DERA: variants seen among roughly 807,000 people sequenced by gnomAD.
DERA encodes 2-deoxy-D-ribose 5-phosphate aldolase.
Under a neutral mutation model 41.1 loss-of-function variants are expected in DERA, and 15 were observed. The ratio of observed to expected loss-of-function variants is 0.37; its 90% CI spans 0.24 to 0.56. The LOEUF is 0.56. DERA is among the 20% of genes least tolerant of loss of function. The probability of loss-of-function intolerance (pLI) is 0.81; values close to 1 mark genes in which losing one functional copy is unlikely to be tolerated. For missense variants in DERA, 396 were observed against 403.4 expected, an observed-to-expected ratio of 0.98 and a Z score of 0.16; for synonymous variants, 139 against 137.4, an observed-to-expected ratio of 1.01 and a Z score of -0.08.
chr12:15,962,139 A>G (rs934208420), intron 4 of DERA, among the ~76,000 whole-genome samples: 1 of 152,168 alleles, frequency 6.6e-6, no homozygotes, highest in African/African-American at 2.4e-5. Context: ...CTATTTTTCA[A>G]GAGTGTAGTT....
Position 16,003,916 on chromosome 12 carries a change from T to C in DERA, c.637+21480T>C, listed in dbSNP as rs1442083462. Among the ~76,000 whole-genome samples the C allele has an allele frequency of 2.6e-5, 4 of 152,208 alleles. No homozygotes were observed. Among genetic ancestry groups the C allele is most frequent in the African/African-American group, 9.6e-5 (4 of 41,458 alleles). On this transcript the variant is annotated intron_variant, in intron 6 of 8. Coordinates refer to ENST00000428559, the MANE Select transcript of DERA (RefSeq NM_015954.4). The surrounding 1 kb of genome is among the most constrained non-coding windows in gnomAD (Gnocchi z 4.8). ...AGAGAGGTGTTCTGGGTTGTAGAGCTAGCCACTCAGAGGCATCCGGGCCTT... is the reference window on the plus strand; with the variant it reads ...AGAGAGGTGTTCTGGGTTGTAGAGCCAGCCACTCAGAGGCATCCGGGCCTT...
rs1467273223 is a variant in DERA at position 15,984,330 on chromosome 12, G to A, written c.637+1894G>A. Among the ~76,000 whole-genome samples, 1 of 152,102 alleles carries A rather than the reference G, an allele frequency of 6.6e-6. No individual in the cohort carries two copies. The highest frequency in any genetic ancestry group is 1.5e-5 in the Non-Finnish European group (1 of 68,030). On this transcript the variant is annotated intron_variant, in intron 6 of 8. Coordinates refer to ENST00000428559, the MANE Select transcript of DERA (RefSeq NM_015954.4). The surrounding 1 kb of genome is among the most constrained non-coding windows in gnomAD (Gnocchi z 4.5). The stretch of plus-strand genomic sequence containing the variant: ...TAGGTCATCACGCTTTGGAAGCTGT[G>A]TCCCACCCTCCACCCATCCTGTCCA...
rs946928861 is a variant in DERA, at chr12:15,965,250, G to A, written c.508+2303G>A. On this transcript the variant is annotated intron_variant, in intron 5 of 8. Coordinates refer to ENST00000428559, the MANE Select transcript of DERA (RefSeq NM_015954.4). The surrounding 1 kb of genome is among the most constrained non-coding windows in gnomAD (Gnocchi z 4.1). ...AATCCAGGGCCCTCTCCCTTGTGCA[G>A]TGAGGTTTGTAGGATATTTGGTAAA... Among the ~76,000 whole-genome samples, 1 of 152,162 alleles carries A rather than the reference G, an allele frequency of 6.6e-6. No homozygotes were observed. Among genetic ancestry groups the A allele is most frequent in the Admixed American group, 6.5e-5 (1 of 15,284 alleles).
At chr12:16,007,961 A>T (rs1197532349) in intron 6 of DERA, among the ~76,000 whole-genome samples, 2 of 151,854 alleles carry the variant, frequency 1.3e-5, no homozygotes, top group East Asian at 1.9e-4. Context: ...AGCGATTCTC[A>T]TGCCTCAGCC....
chr12:15,986,027 C>G (rs1031612546), intron 6 of DERA, among the ~76,000 whole-genome samples: 9 of 152,094 alleles, frequency 5.9e-5, no homozygotes, highest in African/African-American at 2.2e-4. Context: ...TTTTGGAGCT[C>G]TCTTATGTAT....
intron 1 of DERA, among the ~76,000 whole-genome samples, chr12:15,939,803 A>AGT (rs891542061): frequency 1.8e-4 from 28 of 152,342 alleles, no homozygotes; most frequent in African/African-American, 6.7e-4. Flanking sequence ...CAGCAGAGAG[A>AGT]GTGTGTGTAT....
At chr12:15,956,844 G>A (rs1294487996) in intron 1 of DERA, 92 bp from the exon 2 acceptor site, 8 of 936,984 alleles carry the variant, frequency 8.5e-6, no homozygotes, top group Non-Finnish European at 1.4e-5. Flanking sequence ...GATGTCAAAT[G>A]ATAAATGTAT....
chr12:15,949,964 A>G (rs1948484774), intron 1 of DERA, among the ~76,000 whole-genome samples: 1 of 151,924 alleles, frequency 6.6e-6, no homozygotes, highest in African/African-American at 2.4e-5. Flanking sequence ...GGGCCTTGTC[A>G]CCCTCTCTTC....
intron 6 of DERA, among the ~76,000 whole-genome samples, chr12:16,005,966 T>TC (rs1195901751): frequency 6.6e-6 from 1 of 152,190 alleles, no homozygotes; most frequent in East Asian, 1.9e-4. Context: ...TCTTTAAACA[T>TC]CACCCCCTCC....
At position 15,936,891 on chromosome 12, in the gene DERA, C is replaced by CT. The variant is rs1565588627; in HGVS notation, c.32-20044dup. On this transcript the variant is annotated intron_variant, in intron 1 of 8. Transcript: ENST00000428559. This position sits in a 1 kb window ranked among gnomAD's most constrained non-coding sequence, Gnocchi z 4.6. ...TTGTCTTGTCTTGTCTTGTCTTGTC[C>CT]TGTCCTGTCCTGTCCTGTCCTGTCC... Among the ~76,000 whole-genome samples the CT allele has an allele frequency of 0.043, 4,209 of 96,916 alleles. 100 individuals are homozygous for CT. The highest frequency in any genetic ancestry group is 0.1 in the Admixed American group (1,116 of 10,904). The allele number at this position is 96,916 out of a possible 152,430, so 63.6% of individuals were successfully genotyped here.
chr12:15,911,732 AAAAC>A lies in DERA; in HGVS notation c.31+325_31+328del, dbSNP rs1328673637. ...CCCAACAACCCAAAAAACAAAACCC[AAAAC>A]AAACAACCCCCAAGCAGGTAAAAAC... On this transcript the variant is annotated intron_variant, in intron 1 of 8. Transcript: ENST00000428559. The surrounding 1 kb of genome is among the most constrained non-coding windows in gnomAD (Gnocchi z 4.5). The A allele has an allele frequency of 7.0e-5, 44 of 626,362 alleles. No individual in the cohort carries two copies. The highest frequency in any genetic ancestry group is 9.8e-5 in the East Asian group (3 of 30,518). 38.8% of individuals were successfully genotyped at this position (626,362 alleles called of 1,614,324 possible).
chr12:15,988,876 T>G lies in DERA; in HGVS notation c.637+6440T>G, dbSNP rs967707799. On this transcript the variant is annotated intron_variant, in intron 6 of 8. Coordinates refer to ENST00000428559, the MANE Select transcript of DERA (RefSeq NM_015954.4). The surrounding 1 kb of genome is among the most constrained non-coding windows in gnomAD (Gnocchi z 6.0). ...CCCTTGGCCTTTCTCCTATGCTTGTTGTCGCCCAAAGTCCAGAGGGGGCCA... is the reference window on the plus strand; with the variant it reads ...CCCTTGGCCTTTCTCCTATGCTTGTGGTCGCCCAAAGTCCAGAGGGGGCCA... 6.6e-6 allele frequency among the ~76,000 whole-genome samples: 1 copy of G among 152,338 alleles called. No homozygotes were observed. Among genetic ancestry groups the G allele is most frequent in the East Asian group, 1.9e-4 (1 of 5,164 alleles).
rs1435619796 is a variant in DERA at position 15,913,649 on chromosome 12, T to C, written c.31+2235T>C. Among the ~76,000 whole-genome samples the C allele has an allele frequency of 6.6e-6, 1 of 152,204 alleles. No homozygotes were observed. The highest frequency in any genetic ancestry group is 1.5e-5 in the Non-Finnish European group (1 of 68,040). On this transcript the variant is annotated intron_variant, in intron 1 of 8. Coordinates refer to ENST00000428559, the MANE Select transcript of DERA (RefSeq NM_015954.4). The surrounding 1 kb of genome is among the most constrained non-coding windows in gnomAD (Gnocchi z 4.5). ...ACTGTTATTTATGATTTGGTGTATG[T>C]ACTTCTAGTTCATGGACTTAAAAAA... is the stretch of plus-strand genomic sequence containing the variant.
At chr12:15,946,909 G>A (rs1452054540) in intron 1 of DERA, among the ~76,000 whole-genome samples, 1 of 152,184 alleles carries the variant, frequency 6.6e-6, no homozygotes, top group Non-Finnish European at 1.5e-5. Flanking sequence ...GTGTCCCAGA[G>A]ATTCTGGTAT....
At position 15,965,259 on chromosome 12, in the gene DERA, G is replaced by A. The variant is rs116836839; in HGVS notation, c.508+2312G>A. Among the ~76,000 whole-genome samples the A allele has an allele frequency of 5.8e-3, 882 of 152,286 alleles. 6 individuals are homozygous for A. The highest frequency in any genetic ancestry group is 0.019 in the African/African-American group (792 of 41,566). On this transcript the variant is annotated intron_variant, in intron 5 of 8. Coordinates refer to ENST00000428559, the MANE Select transcript of DERA (RefSeq NM_015954.4). The surrounding 1 kb of genome is among the most constrained non-coding windows in gnomAD (Gnocchi z 4.1). Reference sequence around the variant, plus strand: ...CCCTCTCCCTTGTGCAGTGAGGTTTGTAGGATATTTGGTAAAGCACAATAG... The same window carrying A: ...CCCTCTCCCTTGTGCAGTGAGGTTTATAGGATATTTGGTAAAGCACAATAG...
In DERA at chr12:15,990,695, A is replaced by G. The variant is rs1325712809; in HGVS notation, c.637+8259A>G. On this transcript the variant is annotated intron_variant, in intron 6 of 8. Transcript: ENST00000428559. This position sits in a 1 kb window ranked among gnomAD's most constrained non-coding sequence, Gnocchi z 4.3. The stretch of plus-strand genomic sequence containing the variant: ...TTAGCTCCCACTTATAAGTGAGAGC[A>G]TTTGGTATTTGGTTTTCTGTTCCCG... 6.6e-6 allele frequency among the ~76,000 whole-genome samples: 1 copy of G among 152,108 alleles called. No individual in the cohort carries two copies. Among genetic ancestry groups the G allele is most frequent in the Non-Finnish European group, 1.5e-5 (1 of 68,002 alleles).
At position 15,966,140 on chromosome 12, in the gene DERA, T is replaced by C. The variant is rs935963276; in HGVS notation, c.508+3193T>C. Among the ~76,000 whole-genome samples the C allele has an allele frequency of 3.9e-5, 6 of 152,080 alleles. No homozygotes were observed. The highest frequency in any genetic ancestry group is 7.4e-5 in the Non-Finnish European group (5 of 68,024). Reference sequence around the variant, plus strand: ...GCTCACACCTGTAATCCCAGCACTTTGGGAGGCTGAAACAGGCACTTTGGG... The same window carrying C: ...GCTCACACCTGTAATCCCAGCACTTCGGGAGGCTGAAACAGGCACTTTGGG... On this transcript the variant is annotated intron_variant, in intron 5 of 8. Transcript: ENST00000428559. The surrounding 1 kb of genome is among the most constrained non-coding windows in gnomAD (Gnocchi z 5.1).
rs1315991992 is a variant in DERA at position 15,943,799 on chromosome 12, T to C, written c.32-13137T>C. Among the ~76,000 whole-genome samples the C allele has an allele frequency of 1.3e-5, 2 of 151,920 alleles. No homozygotes were observed. Among genetic ancestry groups the C allele is most frequent in the African/African-American group, 4.8e-5 (2 of 41,362 alleles). The stretch of plus-strand genomic sequence containing the variant: ...AATGTGCAGGTTTGTTACATGTGTA[T>C]ACATGTGCCATGTTGGTGTGCTGTA... On this transcript the variant is annotated intron_variant, in intron 1 of 8. Coordinates refer to ENST00000428559, the MANE Select transcript of DERA (RefSeq NM_015954.4). The surrounding 1 kb of genome is among the most constrained non-coding windows in gnomAD (Gnocchi z 4.5).
chr12:15,983,728 C>T lies in DERA; in HGVS notation c.637+1292C>T, dbSNP rs1948746942. Among the ~76,000 whole-genome samples, 1 of 152,188 alleles carries T rather than the reference C, an allele frequency of 6.6e-6. No individual in the cohort carries two copies. Among genetic ancestry groups the T allele is most frequent in the South Asian group, 2.1e-4 (1 of 4,826 alleles). On this transcript the variant is annotated intron_variant, in intron 6 of 8. Coordinates refer to ENST00000428559, the MANE Select transcript of DERA (RefSeq NM_015954.4). This position sits in a 1 kb window ranked among gnomAD's most constrained non-coding sequence, Gnocchi z 6.2. The stretch of plus-strand genomic sequence containing the variant: ...GGGCCAGCCATATTCTTGTGTACTT[C>T]TTGAGTGCTCTGTCAGGCCTAGTAG...
Sources: gnomAD v4.1 joint callset for allele counts (sites outside exome capture counted in the v4.1 genomes callset) on GRCh38, gnomAD v4.1.1 for gene constraint, Gnocchi (gnomAD v3.1) non-coding constraint, MANE v1.5 for transcripts, NCBI Gene and HGNC (gene_info 2026-07-23, HGNC 2026-07-21) for gene names.